The following CLEC2A variants were observed in gnomAD, a reference collection of about 807,000 sequenced individuals.
CLEC2A encodes the protein keratinocyte-associated C-type lectin.
A neutral mutation model predicts 18.6 loss-of-function variants in CLEC2A; 19 were observed. The observed-to-expected ratio is 1.02, with a 90% CI of 0.71 to 1.50. The LOEUF is 1.50. Among genes scored for constraint, CLEC2A ranks in the 40% most tolerant of loss-of-function variants. The pLI, the probability that CLEC2A is intolerant of heterozygous loss-of-function variation, is 0.00. For synonymous variants in CLEC2A, 74 were observed against 64.0 expected, an observed-to-expected ratio of 1.16 and a Z score of -0.75; for missense variants, 190 against 207.9, an observed-to-expected ratio of 0.91 and a Z score of 0.53.
chr12:9,881,106 C>G, the CLEC2A span, among the ~76,000 whole-genome samples: 360 of 152,320 alleles, frequency 2.4e-3, 2 homozygotes, highest in African/African-American at 8.3e-3. Context: ...TCCCATCTAA[C>G]CATCGTTATT....
At chr12:9,914,186 T>C (rs1863032050) in intron 4 of CLEC2A, among the ~76,000 whole-genome samples, 1 of 152,212 alleles carries the variant, frequency 6.6e-6, no homozygotes. Flanking sequence ...CCTAAGAGAC[T>C]GCATACTGCA....
intron 2 of CLEC2A, among the ~76,000 whole-genome samples, chr12:9,924,559 G>T (rs529157488): frequency 2.6e-5 from 4 of 152,038 alleles, no homozygotes; most frequent in African/African-American, 9.6e-5. Flanking sequence ...ATCAAGTGCT[G>T]GGGACTATTT....
intron 1 of CLEC2A, 34 bp from the exon 2 acceptor site, chr12:9,926,377 C>A (rs764522312): frequency 7.7e-7 from 1 of 1,296,054 alleles, no homozygotes; most frequent in African/African-American, 1.5e-5. Flanking sequence ...TTTACAATTT[C>A]TGAATAAACA....
Position 9,913,285 on chromosome 12 carries a change from G to A in CLEC2A, c.*281C>T, listed in dbSNP as rs1335763314. 5.7e-6 allele frequency: 2 copies of A among 348,122 alleles called. No individual in the cohort carries two copies. The highest frequency in any genetic ancestry group is 4.3e-5 in the African/African-American group (2 of 46,718). The allele number at this position is 348,122 out of a possible 1,614,324, so 21.6% of individuals were successfully genotyped here. A position where few individuals can be genotyped will look rare whatever the true frequency, so the allele number is the denominator to read the frequency against. ...CATAAATTGAAAGCTAATCACCAGT[G>A]TGATGGTATTAGGGGATGGAGCCAT... is the stretch of plus-strand genomic sequence containing the variant. On this transcript the variant is annotated 3_prime_UTR_variant, in exon 5 of 5. Transcript: ENST00000455827.
chr12:9,918,856 A>G (rs1219362593), intron 3 of CLEC2A, among the ~76,000 whole-genome samples: 1 of 152,202 alleles, frequency 6.6e-6, no homozygotes, highest in Non-Finnish European at 1.5e-5. Flanking sequence ...TATTTAGTAC[A>G]GTCGATAGAT....
chr12:9,890,294 T>C, the CLEC2A span, among the ~76,000 whole-genome samples: 3 of 152,222 alleles, frequency 2.0e-5, no homozygotes, highest in Non-Finnish European at 4.4e-5. Context: ...TACCTCACAG[T>C]TCCCACGAGT....
downstream of CLEC2A, among the ~76,000 whole-genome samples, chr12:9,898,143 T>C (rs942971401): frequency 1.3e-5 from 2 of 152,250 alleles, no homozygotes; most frequent in Non-Finnish European, 2.9e-5. Flanking sequence ...AACTACTTTA[T>C]TTTTCTAAAT....
At chr12:9,906,798 C>G (rs895479760) in intron 4 of CLEC2A, among the ~76,000 whole-genome samples, 4 of 152,182 alleles carry the variant, frequency 2.6e-5, no homozygotes, top group African/African-American at 7.2e-5. Context: ...GGTGTGTCTT[C>G]TAAATCTGGT....
At chr12:9,912,467 A>C (rs1422603522), downstream of CLEC2A, among the ~76,000 whole-genome samples, 1 of 152,134 alleles carries the variant, frequency 6.6e-6, no homozygotes, top group Non-Finnish European at 1.5e-5. Context: ...GAGGATGAAA[A>C]TAGGAGCGAC....
chr12:9,915,663 T>C (rs1457844736), intron 4 of CLEC2A, among the ~76,000 whole-genome samples: 1 of 151,596 alleles, frequency 6.6e-6, no homozygotes, highest in Non-Finnish European at 1.5e-5. Flanking sequence ...TGAGAACACA[T>C]GGACACAGAA....
chr12:9,932,234 T>A (rs1164394798), intron 1 of CLEC2A, 41 bp downstream of exon 1: 2 of 1,409,924 alleles, frequency 1.4e-6, no homozygotes, highest in African/African-American at 2.8e-5. Context: ...TTTTGTTTTA[T>A]CTTTCCTTTA....
chr12:9,907,359 G>A (rs1465816186), intron 4 of CLEC2A, among the ~76,000 whole-genome samples: 1 of 152,108 alleles, frequency 6.6e-6, no homozygotes, highest in African/African-American at 2.4e-5. Context: ...TAAATTTTTG[G>A]TATAAAAGTT....
rs1456767933 is a variant in CLEC2A, at chr12:9,922,135, C to T, written c.237G>A (p.Trp79Ter). Residue 79 changes from tryptophan (W) to a stop codon, truncating the protein, a stop_gained, in exon 3 of 5, where the codon TGG (tryptophan) becomes TGA (stop). Transcript: ENST00000455827. LOFTEE classifies it high-confidence loss of function. ...CFYFSDDTRN[W>*]TASKIFCSLQ... ...AACTACAAAATATTTTACTGGCTGT[C>T]CAATTTCTGGTATCATCAGAAAAAT... 2 of 1,550,898 alleles carry T rather than the reference C, an allele frequency of 1.3e-6. No individual in the cohort carries two copies. The highest frequency in any genetic ancestry group is 2.0e-5 in the Admixed American group (1 of 50,936).
chr12:9,894,126 TTCTCTC>T (rs141327204), downstream of CLEC2A, among the ~76,000 whole-genome samples: 1,235 of 130,274 alleles, frequency 9.5e-3, 14 homozygotes, highest in African/African-American at 0.031. Flanking sequence ...TTTCTTTTCT[TTCTCTC>T]TCTCTCTCTC....
At chr12:9,880,029 GA>G in the CLEC2A span, among the ~76,000 whole-genome samples, 1 of 152,094 alleles carries the variant, frequency 6.6e-6, no homozygotes, top group African/African-American at 2.4e-5. Context: ...TGAAGTAGTT[GA>G]AAAAAATAAG....
At chr12:9,905,398 G>A (rs1366698807) in intron 4 of CLEC2A, among the ~76,000 whole-genome samples, 4 of 152,208 alleles carry the variant, frequency 2.6e-5, no homozygotes, top group Admixed American at 2.0e-4. Flanking sequence ...TGTGCTAATA[G>A]GCCTTTAGTT....
At chr12:9,932,188 G>T in intron 1 of CLEC2A, 87 bp downstream of exon 1, 1 of 965,298 alleles carries the variant, frequency 1.0e-6, no homozygotes, top group Non-Finnish European at 1.6e-6. Flanking sequence ...GACTTTCACA[G>T]TAAGTAAAGA....
At chr12:9,900,504 A>C (rs538808099) in intron 4 of CLEC2A, among the ~76,000 whole-genome samples, 2 of 152,346 alleles carry the variant, frequency 1.3e-5, no homozygotes, top group African/African-American at 4.8e-5. Flanking sequence ...CATAAAGTGC[A>C]GCAAGAATAA....
intron 1 of CLEC2A, among the ~76,000 whole-genome samples, chr12:9,926,828 G>T (rs1863280758): frequency 6.6e-6 from 1 of 152,112 alleles, no homozygotes; most frequent in African/African-American, 2.4e-5. Flanking sequence ...TAAACAATGT[G>T]TTTCAGCCAG....
Sources: gnomAD v4.1 joint callset for allele counts (sites outside exome capture counted in the v4.1 genomes callset) on GRCh38, gnomAD v4.1.1 for gene constraint, MANE v1.5 for transcripts, NCBI Gene and HGNC (gene_info 2026-07-23, HGNC 2026-07-21) for gene names.